The following KMT2D variants were observed in gnomAD, a reference collection of about 807,000 sequenced individuals.
The protein encoded by KMT2D is lysine methyltransferase 2D.
In KMT2D, 55 loss-of-function variants were observed where a neutral mutation model predicts 512.7. The ratio of observed to expected loss-of-function variants is 0.11; its 90% CI spans 0.09 to 0.13. KMT2D has a LOEUF of 0.13. Among genes scored for constraint, KMT2D ranks in the 10% least tolerant of loss-of-function variants. KMT2D has a pLI of 1.00. For missense variants in KMT2D, 6,061 were observed against 7,127.9 expected, an observed-to-expected ratio of 0.85 and a Z score of 5.39; for synonymous variants, 2,995 against 2,904.0, an observed-to-expected ratio of 1.03 and a Z score of -1.01.
rs1439251946 is a variant in KMT2D at position 49,034,821 on chromosome 12, C to G, written c.10346G>C (p.Gly3449Ala). Residue 3449 changes from glycine to alanine, a missense_variant, in exon 36 of 55, where the codon GGT becomes GCT. Coordinates refer to ENST00000301067, the MANE Select transcript of KMT2D (RefSeq NM_003482.4). ...MAQGSIGVAP[G>A]MNRQQVSLLA... ...CAGCCCTGAGTCTTACCTGTTCATA[C>G]CAGGTGCCACCCCAATGCTGCCCTG... 1 of 1,613,814 alleles carries G rather than the reference C, an allele frequency of 6.2e-7. No individual in the cohort carries two copies. Among genetic ancestry groups the G allele is most frequent in the Non-Finnish European group, 8.5e-7 (1 of 1,179,876 alleles).
intron 7 of KMT2D, 36 bp downstream of exon 7, chr12:49,053,440 G>A (rs1312097686): frequency 6.2e-7 from 1 of 1,610,566 alleles, no homozygotes; most frequent in South Asian, 1.1e-5. Flanking sequence ...AACCTGTGTT[G>A]TGCCTAAGAC....
chr12:49,053,002 T>C lies in KMT2D; in HGVS notation c.1025A>G (p.Asn342Ser). The C allele has an allele frequency of 6.2e-7, 1 of 1,614,032 alleles. No individual in the cohort carries two copies. The highest frequency in any genetic ancestry group is 8.5e-7 in the Non-Finnish European group (1 of 1,179,874). Residue 342 changes from asparagine (N) to serine (S), a missense_variant, in exon 9 of 55, where the codon AAC (asparagine) becomes AGC (serine). Around this residue, in one of 16 missense-constraint regions of KMT2D, gnomAD observed 848 missense variants for 838.5 expected, o/e 1.01. Transcript: ENST00000301067. ...GTGACAGCGGTGACAGAGAGAGTAG[T>C]TCTCAAACCACTCCGAGTTGGGATT... is the stretch of plus-strand genomic sequence containing the variant. The part of the protein sequence containing the change: ...ELNPNSEWFE[N>S]YSLCHRCHKA...
Position 49,054,717 on chromosome 12 carries a change from A to G in KMT2D, c.211T>C (p.Cys71Arg), listed in dbSNP as rs2120713122. ...GPVRRCALCN[C>R]GEPSLHGQRE... ...TGCCCGTGTAGACTGGGCTCCCCGC[A>G]GTTACAGAGAGCACAACGCCGCACC... Residue 71 changes from cysteine (C) to arginine (R), a missense_variant, in exon 4 of 55, where the codon TGC becomes CGC. Physicochemically the swap from Cys to Arg is radical, Grantham distance 180. Coordinates refer to ENST00000301067, the MANE Select transcript of KMT2D (RefSeq NM_003482.4). This position sits in a 1 kb window ranked among gnomAD's most constrained non-coding sequence, Gnocchi z 6.4. 6.2e-7 allele frequency: 1 copy of G among 1,613,584 alleles called. No homozygotes were observed.
At chr12:49,043,803 A>G (rs2120573524) in intron 23 of KMT2D, 21 bp from the exon 24 acceptor site, 1 of 1,612,840 alleles carries the variant, frequency 6.2e-7, no homozygotes, top group Non-Finnish European at 8.5e-7. Flanking sequence ...GTCAAGGAGA[A>G]ACAGTTTTCT....
rs200803613 is a variant in KMT2D at position 49,022,679 on chromosome 12, G to A, written c.16249C>T (p.Leu5417=). The A allele has an allele frequency of 4.2e-5, 68 of 1,613,976 alleles. 2 individuals carry two copies. The Admixed American group carries it at 9.2e-4, about 22-fold the overall frequency. Residue 5417 remains leucine (L), a synonymous_variant, in exon 52 of 55, where the codon CTA becomes TTA. Transcript: ENST00000301067. The surrounding 1 kb of genome is among the most constrained non-coding windows in gnomAD (Gnocchi z 8.6). ...TCGATAACCATTGTGTGCTTTTCTA[G>A]GTCCTTGGCTGCATAGAGCCCCAGG... ...QGLGLYAAKD[L]EKHTMVIEYI...
rs1475375097 is a variant in KMT2D at position 49,046,818 on chromosome 12, G to C, written c.4237-28C>G. 5 of 1,584,134 alleles carry C rather than the reference G, an allele frequency of 3.2e-6. No individual in the cohort carries two copies. The highest frequency in any genetic ancestry group is 4.3e-6 in the Non-Finnish European group (5 of 1,162,028). On this transcript the variant is annotated intron_variant, in intron 15 of 54. Coordinates refer to ENST00000301067, the MANE Select transcript of KMT2D (RefSeq NM_003482.4). The surrounding 1 kb of genome is among the most constrained non-coding windows in gnomAD (Gnocchi z 4.2). Reference sequence around the variant, plus strand: ...GGGGCAGAAGATGGGAACTTCTCAGGGTGTGAGGTGGAAAAGAGGTAGAAC... The same window carrying C: ...GGGGCAGAAGATGGGAACTTCTCAGCGTGTGAGGTGGAAAAGAGGTAGAAC...
At position 49,054,084 on chromosome 12, in the gene KMT2D, A is replaced by G. The variant is rs771698859; in HGVS notation, c.567T>C (p.Cys189=). Residue 189 remains cysteine, a synonymous_variant, in exon 6 of 55, where the codon TGT becomes TGC. Transcript: ENST00000301067. This position sits in a 1 kb window ranked among gnomAD's most constrained non-coding sequence, Gnocchi z 6.4. ...CGCAGGGGAAGTGGTAAAGCCGTGGACATCCAGGTGAGCGGCAAGGGATGG... is the reference window on the plus strand; with the variant it reads ...CGCAGGGGAAGTGGTAAAGCCGTGGGCATCCAGGTGAGCGGCAAGGGATGG... The part of the protein sequence containing the change: ...GASIPCRSPG[C]PRLYHFPCAT... The G allele has an allele frequency of 6.2e-7, 1 of 1,613,736 alleles. No individual in the cohort carries two copies. Among genetic ancestry groups the G allele is most frequent in the African/African-American group, 1.3e-5 (1 of 74,926 alleles).
intron 15 of KMT2D, among the ~76,000 whole-genome samples, chr12:49,047,241 C>G (rs1306798751): frequency 6.6e-6 from 1 of 151,996 alleles, no homozygotes; most frequent in African/African-American, 2.4e-5. Context: ...AGGCAGAGCA[C>G]CCTTGTCCCC....
chr12:49,030,419 C>T lies in KMT2D; in HGVS notation c.13860G>A (p.Pro4620=), dbSNP rs780507505. The T allele has an allele frequency of 6.7e-6, 10 of 1,484,422 alleles. No homozygotes were observed. Among genetic ancestry groups the T allele is most frequent in the Non-Finnish European group, 8.1e-6 (9 of 1,106,720 alleles). 92.0% of individuals were successfully genotyped at this position (1,484,422 alleles called of 1,614,324 possible). ...TGGGGGGCAGCGACGAGGGTGGTGT[C>T]GGCGGGTTACTCAGGTTATTCTGAG... ...LLTKNNLSNP[P]TPPSSLPPTP... Residue 4620 remains proline (P), a synonymous_variant, in exon 43 of 55, where the codon CCG becomes CCA. Coordinates refer to ENST00000301067, the MANE Select transcript of KMT2D (RefSeq NM_003482.4).
chr12:49,045,646 A>G, intron 19 of KMT2D, among the ~76,000 whole-genome samples: 1 of 150,618 alleles, frequency 6.6e-6, no homozygotes, highest in South Asian at 2.1e-4. Context: ...TCCATCTCAA[A>G]AAAAAAAAAA....
In KMT2D at chr12:49,032,226, A is replaced by G. The variant is rs745434555; in HGVS notation, c.12479T>C (p.Leu4160Pro). 1 of 1,613,728 alleles carries G rather than the reference A, an allele frequency of 6.2e-7. No homozygotes were observed. Among genetic ancestry groups the G allele is most frequent in the Non-Finnish European group, 8.5e-7 (1 of 1,179,716 alleles). ...QNLLGPQQPM[L>P]ERPMQNNTGP... ...TGTATTATTTTGCATGGGCCGCTCTAGCATGGGCTGTTGGGGGCCCAGAAG... is the reference window on the plus strand; with the variant it reads ...TGTATTATTTTGCATGGGCCGCTCTGGCATGGGCTGTTGGGGGCCCAGAAG... Residue 4160 changes from leucine (L) to proline (P), a missense_variant, in exon 40 of 55, where the codon CTA becomes CCA. Leu to Pro is a moderately conservative substitution (Grantham distance 98). This residue lies in a region of KMT2D where 1,600 missense variants were observed against 1,754.9 expected (regional missense o/e 0.91). Transcript: ENST00000301067.
At chr12:49,021,902 T>C (rs772421572) in intron 54 of KMT2D, 30 bp from the exon 55 acceptor site, 3 of 1,596,420 alleles carry the variant, frequency 1.9e-6, no homozygotes, top group South Asian at 1.1e-5. Context: ...GAATCAATGC[T>C]AGTCCCCCAC....
chr12:49,026,571 A>C lies in KMT2D; in HGVS notation c.15395T>G (p.Leu5132Arg). The C allele has an allele frequency of 6.2e-7, 1 of 1,614,062 alleles. No individual in the cohort carries two copies. Among genetic ancestry groups the C allele is most frequent in the Non-Finnish European group, 8.5e-7 (1 of 1,179,906 alleles). ...KCMFFKDKTM[L>R]CPMHKIKGPC... ...CCCCTTGATCTTATGCATTGGACACAGCATGGTCTTGTCCTTGAAGAACAT... is the reference window on the plus strand; with the variant it reads ...CCCCTTGATCTTATGCATTGGACACCGCATGGTCTTGTCCTTGAAGAACAT... The change falls in exon 49 of 55, where the codon CTG becomes CGG. Residue 5132 changes from leucine to arginine, a missense_variant. Transcript: ENST00000301067. This position sits in a 1 kb window ranked among gnomAD's most constrained non-coding sequence, Gnocchi z 9.6.
intron 1 of KMT2D, among the ~76,000 whole-genome samples, chr12:49,056,871 C>T (rs1173546380): frequency 6.6e-6 from 1 of 152,208 alleles, no homozygotes; most frequent in South Asian, 2.1e-4. Flanking sequence ...ACTCTTCCTG[C>T]CCTGAACTCA....
rs1442381995 is a variant in KMT2D, at chr12:49,059,847, C to A, written c.-272G>T. The A allele has an allele frequency of 6.6e-6, 1 of 152,172 alleles. No homozygotes were observed. The highest frequency in any genetic ancestry group is 2.4e-5 in the African/African-American group (1 of 41,424). The allele number at this position is 152,172 out of a possible 1,614,324, so 9.4% of individuals were successfully genotyped here. ...CAGCAGTTTAGGTTTCCATGGACAG[C>A]CCCAGGGCGGCGAATCCCGAGCGGA... is the stretch of plus-strand genomic sequence containing the variant. On this transcript the variant is annotated 5_prime_UTR_variant, in exon 1 of 55. Coordinates refer to ENST00000301067, the MANE Select transcript of KMT2D (RefSeq NM_003482.4).
In KMT2D at chr12:49,033,215, G is replaced by A. The variant is rs2120440787; in HGVS notation, c.11490C>T (p.Thr3830=). The change falls in exon 40 of 55, where the codon ACC becomes ACT. Residue 3830 remains threonine (T), a synonymous_variant. Transcript: ENST00000301067. The stretch of plus-strand genomic sequence containing the variant: ...GGGGGGAACTGAGCACCCGGGACTG[G>A]GTCATAAGCACCTGTCTGTGAGGGC... The part of the protein sequence containing the change: ...PQGPHRQVLM[T]QSRVLSSPQL... 1 of 1,551,458 alleles carries A rather than the reference G, an allele frequency of 6.4e-7. No homozygotes were observed. Among genetic ancestry groups the A allele is most frequent in the South Asian group, 1.2e-5 (1 of 84,056 alleles).
rs2120713955 is a variant in KMT2D at position 49,054,763 on chromosome 12, C to T, written c.177-12G>A. On this transcript the variant is annotated splice_polypyrimidine_tract_variant and intron_variant, in intron 3 of 54. Transcript: ENST00000301067. The surrounding 1 kb of genome is among the most constrained non-coding windows in gnomAD (Gnocchi z 6.4). ...GCACCGGACCCCCACTGTGGACACA[C>T]AAGCATCAGTACCACGCCAGGCCCC... The T allele has an allele frequency of 3.7e-6, 6 of 1,613,642 alleles. No individual in the cohort carries two copies. The highest frequency in any genetic ancestry group is 5.1e-6 in the Non-Finnish European group (6 of 1,179,584).
rs751367935 is a variant in KMT2D, at chr12:49,032,856, T to C, written c.11849A>G (p.Gln3950Arg). Residue 3950 changes from glutamine to arginine, a missense_variant, in exon 40 of 55, where the codon CAG becomes CGG. This residue lies in a region of KMT2D where 1,600 missense variants were observed against 1,754.9 expected (regional missense o/e 0.91). Transcript: ENST00000301067. ...TTGCTGTTGTAGCTGCTGTTGCTGC[T>C]GTTGAAGCTGTTGCTGCTGCTGTTG... ...LQQQQQQQLQ[Q>R]QQQQLQQQQQ... 4.0e-5 allele frequency: 62 copies of C among 1,549,856 alleles called. No homozygotes were observed. Among genetic ancestry groups the C allele is most frequent in the African/African-American group, 6.9e-5 (5 of 72,988 alleles).
chr12:49,039,851 G>A lies in KMT2D; in HGVS notation c.7919C>T (p.Ser2640Phe), dbSNP rs1019336916. ...HGASQRSGIT[S>F]PVEKREDPGT... ...TGGGTCTTCTCGCTTTTCGACAGGA[G>A]AGGTGATGCCTGATCGCTGTGAGGC... The change falls in exon 32 of 55, where the codon TCT becomes TTT. Residue 2640 changes from serine to phenylalanine, a missense_variant. By Grantham distance (155) the Ser-to-Phe change is radical. Coordinates refer to ENST00000301067, the MANE Select transcript of KMT2D (RefSeq NM_003482.4). This position sits in a 1 kb window ranked among gnomAD's most constrained non-coding sequence, Gnocchi z 5.0. The A allele has an allele frequency of 1.2e-6, 2 of 1,613,946 alleles. No homozygotes were observed. The highest frequency in any genetic ancestry group is 2.7e-5 in the African/African-American group (2 of 74,962).
Sources: allele counts gnomAD v4.1 joint callset (sites outside exome capture counted in the v4.1 genomes callset), GRCh38; gene constraint gnomAD v4.1.1; regional missense constraint gnomAD v4.1.1; non-coding constraint Gnocchi (gnomAD v3.1); transcripts MANE v1.5; gene names NCBI Gene and HGNC (gene_info 2026-07-23, HGNC 2026-07-21).